PLOD2: variants seen among roughly 807,000 people sequenced by gnomAD.
PLOD2 encodes lysine hydroxylase 2.
In PLOD2, 65 loss-of-function variants were observed where a neutral mutation model predicts 101.0. The observed-to-expected ratio is 0.64, with a 90% CI of 0.53 to 0.79. The LOEUF is 0.79. Among genes scored for constraint, PLOD2 ranks in the 30% least tolerant of loss-of-function variants. PLOD2 has a pLI of 0.00. For synonymous variants in PLOD2, 314 were observed against 302.9 expected (o/e 1.04, Z -0.38); for missense variants, 909 against 914.6 (o/e 0.99, Z 0.08).
At chr3:146,104,220 A>T (rs1937490655) in intron 6 of PLOD2, 59 bp downstream of exon 6, 1 of 929,722 alleles carries the variant, frequency 1.1e-6, no homozygotes, top group Admixed American at 1.7e-5. Context: ...AAGGAAAGAT[A>T]GTTGAAAACA....
At chr3:146,150,175 T>C (rs763804689) in intron 1 of PLOD2, among the ~76,000 whole-genome samples, 1 of 152,174 alleles carries the variant, frequency 6.6e-6, no homozygotes, top group African/African-American at 2.4e-5. Context: ...CATATACACA[T>C]ATACGTATGC....
At chr3:146,077,668 G>A in intron 14 of PLOD2, 194 bp downstream of exon 14, 1 of 474,854 alleles carries the variant, frequency 2.1e-6, no homozygotes, top group Non-Finnish European at 3.7e-6. Flanking sequence ...TCAGCTCAAA[G>A]AACCAAGAGT....
At chr3:146,156,090 T>C (rs1320474537) in intron 1 of PLOD2, among the ~76,000 whole-genome samples, 5 of 152,312 alleles carry the variant, frequency 3.3e-5, no homozygotes, top group South Asian at 2.1e-4. Context: ...AGAACATGTC[T>C]TGATAGCTTC....
At chr3:146,085,300 G>A (rs1194298216) in intron 10 of PLOD2, 27 bp from the exon 11 acceptor site, 3 of 1,098,564 alleles carry the variant, frequency 2.7e-6, no homozygotes, top group African/African-American at 3.1e-5. Context: ...AAATGAAATG[G>A]GCATGACATA....
intron 11 of PLOD2, 147 bp from the exon 12 acceptor site, chr3:146,082,010 T>A (rs1363507924): frequency 3.9e-6 from 2 of 517,882 alleles, no homozygotes; most frequent in African/African-American, 2.0e-5. Flanking sequence ...AAAAATAAAA[T>A]AAGGATCTTC....
At chr3:146,129,869 T>C (rs540114950) in intron 1 of PLOD2, among the ~76,000 whole-genome samples, 14 of 152,318 alleles carry the variant, frequency 9.2e-5, no homozygotes, top group African/African-American at 3.4e-4. Context: ...TAACTCTAAC[T>C]CAAGTTATAA....
chr3:146,108,862 T>C (rs1163433106), intron 4 of PLOD2, among the ~76,000 whole-genome samples: 2 of 152,178 alleles, frequency 1.3e-5, no homozygotes, highest in African/African-American at 4.8e-5. Flanking sequence ...AAGTATAAAA[T>C]AAAACATGTC....
At chr3:146,076,701 C>A in intron 15 of PLOD2, 81 bp downstream of exon 15, 1 of 751,650 alleles carries the variant, frequency 1.3e-6, no homozygotes, top group South Asian at 1.6e-5. Context: ...AGCCTCTAAC[C>A]ACATTTCATA....
rs566030278 is a variant in PLOD2, at chr3:146,119,617, C to T, written c.338+1495G>A. On this transcript the variant is annotated intron_variant, in intron 3 of 19. Transcript: ENST00000282903. Reference sequence around the variant, plus strand: ...ATTCCCCCACTCCACAACAGGCCCCCGTGTGTGATGTTCCCCTTCCTGTGT... The same window carrying T: ...ATTCCCCCACTCCACAACAGGCCCCTGTGTGTGATGTTCCCCTTCCTGTGT... 3.9e-4 allele frequency among the ~76,000 whole-genome samples: 60 copies of T among 151,912 alleles called. No homozygotes were observed. The South Asian group carries it at 4.8e-3, about 12-fold the overall frequency.
rs1229356148 is a variant in PLOD2 at position 146,072,579 on chromosome 3, C to A, written c.1830G>T (p.Trp610Cys). The change falls in exon 17 of 20, where the codon TGG becomes TGT. Residue 610 changes from tryptophan (W) to cysteine (C), a missense_variant. By Grantham distance (215) the Trp-to-Cys change is radical. Coordinates refer to ENST00000282903, the MANE Select transcript of PLOD2 (RefSeq NM_182943.3). ...AACTTACATGATGTTTTCCCCCAGA[C>A]CATTTGCCGTAATGTTCCATTTCTT... ...LVEEMEHYGKWSGGKHHDSRI... is the reference protein window; with the variant it reads ...LVEEMEHYGKCSGGKHHDSRI... The A allele has an allele frequency of 1.2e-6, 2 of 1,606,502 alleles. No homozygotes were observed. The highest frequency in any genetic ancestry group is 4.5e-5 in the East Asian group (2 of 44,730).
intron 9 of PLOD2, among the ~76,000 whole-genome samples, chr3:146,087,415 TA>T (rs58774933): frequency 6.6e-6 from 1 of 151,748 alleles, no homozygotes; most frequent in Non-Finnish European, 1.5e-5. Context: ...TGGTCATATA[TA>T]AAAAAATTTT....
intron 7 of PLOD2, among the ~76,000 whole-genome samples, chr3:146,095,013 G>A (rs949576108): frequency 1.3e-5 from 2 of 152,102 alleles, no homozygotes; most frequent in African/African-American, 4.8e-5. Flanking sequence ...AAACTGGCTA[G>A]CCATATGCAG....
intron 13 of PLOD2, 98 bp from the exon 14 acceptor site, chr3:146,078,022 T>C (rs1936406112): frequency 6.4e-6 from 5 of 786,578 alleles, no homozygotes; most frequent in Middle Eastern, 2.5e-4. Context: ...GATCAAAAGC[T>C]AACATTCTGA....
Position 146,159,882 on chromosome 3 carries a change from G to A in PLOD2, c.109+999C>T, listed in dbSNP as rs144126849. ...ACTTAAAGATGAAGACAAAACTATCGCTACATGGATTAGCTGGACTGCAAA... is the reference window on the plus strand; with the variant it reads ...ACTTAAAGATGAAGACAAAACTATCACTACATGGATTAGCTGGACTGCAAA... On this transcript the variant is annotated intron_variant, in intron 1 of 19. Transcript: ENST00000282903. Among the ~76,000 whole-genome samples the A allele has an allele frequency of 3.3e-4, 50 of 152,256 alleles. 1 individual carries two copies. The highest frequency in any genetic ancestry group is 2.3e-3 in the East Asian group (12 of 5,164).
At chr3:146,097,829 A>T (rs1287444982) in intron 7 of PLOD2, among the ~76,000 whole-genome samples, 2 of 151,234 alleles carry the variant, frequency 1.3e-5, no homozygotes, top group South Asian at 2.1e-4. Flanking sequence ...AATAATAAAA[A>T]AAGAAAATGT....
rs534973343 is a variant in PLOD2 at position 146,156,971 on chromosome 3, T to A, written c.109+3910A>T. 2.0e-5 allele frequency among the ~76,000 whole-genome samples: 3 copies of A among 152,334 alleles called. 1 individual carries two copies. Among genetic ancestry groups the A allele is most frequent in the African/African-American group, 7.2e-5 (3 of 41,572 alleles). On this transcript the variant is annotated intron_variant, in intron 1 of 19. Coordinates refer to ENST00000282903, the MANE Select transcript of PLOD2 (RefSeq NM_182943.3). ...GAAAGTAATAGTGAAGGTGCCACTTTGTATTGAGTAAAGCAGGTAAAGCGG... is the reference window on the plus strand; with the variant it reads ...GAAAGTAATAGTGAAGGTGCCACTTAGTATTGAGTAAAGCAGGTAAAGCGG...
chr3:146,092,977 T>C (rs552000695), intron 7 of PLOD2, among the ~76,000 whole-genome samples: 24 of 152,254 alleles, frequency 1.6e-4, no homozygotes, highest in African/African-American at 5.5e-4. Context: ...TATCATTATA[T>C]GATCAATAAT....
intron 7 of PLOD2, among the ~76,000 whole-genome samples, chr3:146,099,927 G>A (rs2108049057): frequency 6.9e-6 from 1 of 145,006 alleles, no homozygotes; most frequent in East Asian, 2.0e-4. Context: ...TTGTTGCCCA[G>A]GCTGGAGAGT....
At chr3:146,082,105 T>C (rs1301296019) in intron 11 of PLOD2, among the ~76,000 whole-genome samples, 2 of 152,160 alleles carry the variant, frequency 1.3e-5, no homozygotes, top group African/African-American at 4.8e-5. Context: ...GAAAAAGTAA[T>C]TGAAAATGCT....
Sources: gnomAD v4.1 joint callset for allele counts (sites outside exome capture counted in the v4.1 genomes callset) on GRCh38, gnomAD v4.1.1 for gene constraint, MANE v1.5 for transcripts, NCBI Gene and HGNC (gene_info 2026-07-23, HGNC 2026-07-21) for gene names.